ABCC9: variants seen among roughly 807,000 people sequenced by gnomAD.
ABCC9 encodes the protein ATP binding cassette subfamily C member 9.
A neutral mutation model predicts 188.3 loss-of-function variants in ABCC9; 95 were observed. The observed-to-expected ratio is 0.50, with a 90% CI of 0.43 to 0.60. ABCC9 has a LOEUF of 0.60. Among genes scored for constraint, ABCC9 ranks in the 20% least tolerant of loss-of-function variants. The pLI is 0.00. For missense variants in ABCC9, 1,102 were observed against 1,876.3 expected (o/e 0.59, Z 7.62); for synonymous variants, 659 against 652.7 (o/e 1.01, Z -0.15).
At chr12:21,858,361 G>A (rs750713362) in intron 22 of ABCC9, among the ~76,000 whole-genome samples, 3 of 151,854 alleles carry the variant, frequency 2.0e-5, no homozygotes, top group Non-Finnish European at 4.4e-5. Context: ...ATCACTTGAG[G>A]TCAGGAGTTC....
chr12:21,810,003 C>A, intron 36 of ABCC9, 48 bp from the exon 37 acceptor site: 1 of 1,143,760 alleles, frequency 8.7e-7, no homozygotes, highest in Non-Finnish European at 1.3e-6. Flanking sequence ...AATATAGAAA[C>A]TTTTATGTAT....
intron 30 of ABCC9, among the ~76,000 whole-genome samples, chr12:21,835,519 A>C (rs1052627753): frequency 6.6e-6 from 1 of 152,204 alleles, no homozygotes; most frequent in Non-Finnish European, 1.5e-5. Context: ...TGAGATAGGC[A>C]CTGGTTAGCC....
chr12:21,808,392 CT>C (rs1272155904), intron 37 of ABCC9, among the ~76,000 whole-genome samples: 1 of 152,100 alleles, frequency 6.6e-6, no homozygotes, highest in Non-Finnish European at 1.5e-5. Flanking sequence ...ATACAATCCC[CT>C]GTGGCCTGTG....
At chr12:21,817,066 T>G in intron 33 of ABCC9, 121 bp downstream of exon 33, 29 of 1,112,436 alleles carry the variant, frequency 2.6e-5, no homozygotes, top group Non-Finnish European at 3.5e-5. Context: ...AGCCAAGATA[T>G]GAGAGAGTTT....
chr12:21,915,223 A>ATGTGTGTGTG (rs1177922394), intron 7 of ABCC9, among the ~76,000 whole-genome samples: 101 of 117,176 alleles, frequency 8.6e-4, no homozygotes, highest in African/African-American at 3.3e-3. Flanking sequence ...CTTTATATAT[A>ATGTGTGTGTG]TATGTGTGTG....
At chr12:21,900,941 G>A (rs1947713804) in intron 12 of ABCC9, among the ~76,000 whole-genome samples, 1 of 152,096 alleles carries the variant, frequency 6.6e-6, no homozygotes, top group Non-Finnish European at 1.5e-5. Context: ...TCAAATTCAG[G>A]AAATACAGAG....
Position 21,906,141 on chromosome 12 carries a change from A to G in ABCC9, c.1603T>C (p.Tyr535His), listed in dbSNP as rs397517184. The change falls in exon 12 of 40, where the codon TAT (tyrosine) becomes CAT (histidine). Residue 535 changes from tyrosine to histidine, a missense_variant. Tyr to His is a moderately conservative substitution (Grantham distance 83). This residue lies in a region of ABCC9 where 258 missense variants were observed against 325.6 expected (regional missense o/e 0.79). Transcript: ENST00000261200. Reference protein sequence around the residue: ...ELSSLKTFALYTSLSIFMNAA... With the variant: ...ELSSLKTFALHTSLSIFMNAA... ...AGCAACTTACTGGAGAGTGATGTATATAGTGCAAAGGTTTTGAGACTAGAT... is the reference window on the plus strand; with the variant it reads ...AGCAACTTACTGGAGAGTGATGTATGTAGTGCAAAGGTTTTGAGACTAGAT... The G allele has an allele frequency of 2.6e-5, 42 of 1,612,980 alleles. No individual in the cohort carries two copies. The Middle Eastern group carries it at 1.5e-3, about 57-fold the overall frequency.
rs1948640142 is a variant in ABCC9 at position 21,917,336 on chromosome 12, G to A, written c.407-233C>T. ...GCGTCCATCCTGACCGTACATGATA[G>A]ATGGGAGGATGTAAAGAGATATATA... On this transcript the variant is annotated intron_variant, in intron 5 of 39. Transcript: ENST00000261200. Among the ~76,000 whole-genome samples the A allele has an allele frequency of 2.6e-5, 4 of 152,174 alleles. No homozygotes were observed. The South Asian group carries it at 6.2e-4, about 24-fold the overall frequency.
At chr12:21,861,079 T>G (rs1402317096) in intron 20 of ABCC9, 24 bp from the exon 21 acceptor site, 1 of 1,581,164 alleles carries the variant, frequency 6.3e-7, no homozygotes, top group South Asian at 1.1e-5. Flanking sequence ...GATTTTGAAT[T>G]TTTAGATCTC....
intron 12 of ABCC9, among the ~76,000 whole-genome samples, chr12:21,897,337 C>G (rs372849573): frequency 1.3e-5 from 2 of 151,982 alleles, no homozygotes; most frequent in South Asian, 4.1e-4. Flanking sequence ...ATGGATAGAT[C>G]GCAAACATTT....
intron 21 of ABCC9, among the ~76,000 whole-genome samples, chr12:21,860,267 C>A (rs541648406): frequency 6.6e-6 from 1 of 152,230 alleles, no homozygotes; most frequent in South Asian, 2.1e-4. Flanking sequence ...ATACACACTG[C>A]GGTATGTAGC....
At chr12:21,940,889 A>T (rs1049700922) in intron 1 of ABCC9, 64 bp from the exon 2 acceptor site, 2 of 152,196 alleles carry the variant, frequency 1.3e-5, no homozygotes, top group Admixed American at 6.5e-5. Flanking sequence ...AACATACAAG[A>T]ATTGTCTACA....
chr12:21,876,054 A>T (rs1298889062), intron 16 of ABCC9, among the ~76,000 whole-genome samples: 2 of 152,176 alleles, frequency 1.3e-5, no homozygotes, highest in Non-Finnish European at 2.9e-5. Flanking sequence ...TCCATCTTGG[A>T]AAAATAAAAT....
intron 31 of ABCC9, chr12:21,827,134 G>A (rs1943429135): frequency 1.0e-6 from 1 of 985,250 alleles, no homozygotes; most frequent in African/African-American, 1.7e-5. Context: ...TGGGTTATGA[G>A]ACAAACTAAA....
At position 21,818,486 on chromosome 12, in the gene ABCC9, C is replaced by CTA. The variant is rs745384768; in HGVS notation, c.3670-237_3670-236dup. ...TATCTATATCTATATCTATATCTAT[C>CTA]TATATATATATCTATATATAACTAT... On this transcript the variant is annotated intron_variant, in intron 31 of 39. Coordinates refer to ENST00000261200, the MANE Select transcript of ABCC9 (RefSeq NM_020297.4). Among the ~76,000 whole-genome samples, 579 of 136,042 alleles carry CTA rather than the reference C, an allele frequency of 4.3e-3. 1 individual carries two copies. The highest frequency in any genetic ancestry group is 0.01 in the Admixed American group (141 of 13,504). 89.2% of individuals were successfully genotyped at this position (136,042 alleles called of 152,430 possible).
intron 30 of ABCC9, among the ~76,000 whole-genome samples, chr12:21,829,818 A>G (rs1348919459): frequency 6.6e-6 from 1 of 152,188 alleles, no homozygotes; most frequent in Non-Finnish European, 1.5e-5. Context: ...TTGGGTGGGA[A>G]GTGCTGGCAC....
chr12:21,835,354 G>C (rs1944016281), intron 30 of ABCC9, among the ~76,000 whole-genome samples: 1 of 152,148 alleles, frequency 6.6e-6, no homozygotes, highest in African/African-American at 2.4e-5. Context: ...ATCTTGTAGA[G>C]GAATGCAAAC....
At chr12:21,857,824 C>T (rs1945302389) in intron 22 of ABCC9, among the ~76,000 whole-genome samples, 1 of 152,184 alleles carries the variant, frequency 6.6e-6, no homozygotes, top group South Asian at 2.1e-4. Context: ...GGAACACAGC[C>T]CTGCTGACAC....
At chr12:21,935,263 G>T (rs1001062533) in intron 3 of ABCC9, among the ~76,000 whole-genome samples, 2 of 152,130 alleles carry the variant, frequency 1.3e-5, no homozygotes, top group Non-Finnish European at 2.9e-5. Flanking sequence ...TTTGGCCAAA[G>T]GGCGTTCTTC....
Sources: gnomAD v4.1 joint callset for allele counts (sites outside exome capture counted in the v4.1 genomes callset) on GRCh38, gnomAD v4.1.1 for gene constraint, gnomAD v4.1.1 regional missense constraint, MANE v1.5 for transcripts, NCBI Gene and HGNC (gene_info 2026-07-23, HGNC 2026-07-21) for gene names.